The following HPS3 variants were observed in gnomAD, a reference collection of about 807,000 sequenced individuals.
The protein encoded by HPS3 is BLOC-2 complex member HPS3.
A neutral mutation model predicts 110.9 loss-of-function variants in HPS3; 79 were observed. The ratio of observed to expected loss-of-function variants is 0.71; its 90% CI spans 0.59 to 0.86. The LOEUF is 0.86. Ranked by LOEUF, HPS3 falls within the 40% of genes least tolerant of loss-of-function variation. HPS3 has a pLI of 0.00. For missense variants in HPS3, 1,197 were observed against 1,206.2 expected (o/e 0.99, Z 0.11); for synonymous variants, 428 against 451.0 (o/e 0.95, Z 0.65).
Position 149,129,873 on chromosome 3 carries a change from G to A in HPS3, c.150G>A (p.Glu50=). 1 of 1,595,256 alleles carries A rather than the reference G, an allele frequency of 6.3e-7. No individual in the cohort carries two copies. Among genetic ancestry groups the A allele is most frequent in the Non-Finnish European group, 8.5e-7 (1 of 1,175,938 alleles). ...AGGCGTTCGCGGTGGCCGGCCAGGA[G>A]CTGTGCCAGCCGCGGTGCGCCTTCT... The part of the protein sequence containing the change: ...KVEAFAVAGQ[E]LCQPRCAFST... The change falls in exon 1 of 17, where the codon GAG becomes GAA. Residue 50 remains glutamate (E), a synonymous_variant. Coordinates refer to ENST00000296051, the MANE Select transcript of HPS3 (RefSeq NM_032383.5).
chr3:149,140,875 G>C, intron 2 of HPS3, 142 bp from the exon 3 acceptor site: 1 of 745,114 alleles, frequency 1.3e-6, no homozygotes. Flanking sequence ...ATGAGCAAGT[G>C]CTAAGTCTTT....
At chr3:149,157,841 C>T (rs1241441292) in intron 9 of HPS3, among the ~76,000 whole-genome samples, 1 of 152,144 alleles carries the variant, frequency 6.6e-6, no homozygotes, top group Non-Finnish European at 1.5e-5. Flanking sequence ...TTGAAAATCC[C>T]TGACATTAAA....
rs1417486263 is a variant in HPS3 at position 149,172,355 on chromosome 3, C to CACACACACACACAT, written c.*134_*135insCACACACACACATA. 3.2e-6 allele frequency: 2 copies of CACACACACACACAT among 619,210 alleles called. No individual in the cohort carries two copies. Among genetic ancestry groups the CACACACACACACAT allele is most frequent in the African/African-American group, 3.7e-5 (2 of 53,672 alleles). 38.4% of individuals were successfully genotyped at this position (619,210 alleles called of 1,614,324 possible). A position where few individuals can be genotyped will look rare whatever the true frequency, so the allele number is the denominator to read the frequency against. On this transcript the variant is annotated 3_prime_UTR_variant, in exon 17 of 17. Coordinates refer to ENST00000296051, the MANE Select transcript of HPS3 (RefSeq NM_032383.5). ...ACACACACACACACACACACACACA[C>CACACACACACACAT]ATATATGATACAAATGCTTTCAGGC...
chr3:149,162,092 A>G (rs1723916251), intron 11 of HPS3, 56 bp from the exon 12 acceptor site: 1 of 1,393,214 alleles, frequency 7.2e-7, no homozygotes, highest in East Asian at 2.3e-5. Flanking sequence ...TATTTCTAAA[A>G]TGGACAATCT....
intron 8 of HPS3, among the ~76,000 whole-genome samples, chr3:149,155,860 C>T (rs1288767312): frequency 5.3e-5 from 8 of 152,036 alleles, no homozygotes; most frequent in Admixed American, 5.2e-4. Context: ...ATAGTGAGAT[C>T]CCATCTGTAC....
chr3:149,142,631 G>A (rs753704541), intron 4 of HPS3, among the ~76,000 whole-genome samples: 2 of 151,600 alleles, frequency 1.3e-5, no homozygotes, highest in South Asian at 2.1e-4. Context: ...ATATTATTCC[G>A]ATTAAATGTG....
intron 1 of HPS3, among the ~76,000 whole-genome samples, chr3:149,135,027 G>A (rs1270910093): frequency 2.6e-5 from 4 of 152,086 alleles, no homozygotes; most frequent in Admixed American, 6.5e-5. Flanking sequence ...TGAGGATTCC[G>A]GCTCAATGCC....
chr3:149,154,815 T>C (rs1467427693), intron 7 of HPS3, among the ~76,000 whole-genome samples: 1 of 152,214 alleles, frequency 6.6e-6, no homozygotes, highest in Non-Finnish European at 1.5e-5. Context: ...GATCTTTTCC[T>C]CTTGATGGGA....
In HPS3 at chr3:149,160,722, A is replaced by G. The variant is rs1045124856; in HGVS notation, c.2106+443A>G. ...AAATCACAGATTAAGAGGATTGGACATTTGAATGGTATACCAAGAAACACA... is the reference window on the plus strand; with the variant it reads ...AAATCACAGATTAAGAGGATTGGACGTTTGAATGGTATACCAAGAAACACA... On this transcript the variant is annotated intron_variant, in intron 11 of 16. Transcript: ENST00000296051. 7.4e-4 allele frequency among the ~76,000 whole-genome samples: 113 copies of G among 152,350 alleles called. 1 individual carries two copies. Among genetic ancestry groups the G allele is most frequent in the African/African-American group, 2.7e-3 (111 of 41,582 alleles).
Position 149,150,726 on chromosome 3 carries a change from G to C in HPS3, c.1245+46G>C, listed in dbSNP as rs541179587. On this transcript the variant is annotated intron_variant, in intron 6 of 16. Coordinates refer to ENST00000296051, the MANE Select transcript of HPS3 (RefSeq NM_032383.5). ...ATAGTGAAACCTTAAGATCACAAGG[G>C]AGCACATGAATACTCGTAGATTTGC... 14 of 1,425,680 alleles carry C rather than the reference G, an allele frequency of 9.8e-6. 1 individual carries two copies. The South Asian group carries it at 1.5e-4, about 15-fold the overall frequency. The allele number at this position is 1,425,680 out of a possible 1,614,324, so 88.3% of individuals were successfully genotyped here. A position where few individuals can be genotyped will look rare whatever the true frequency, so the allele number is the denominator to read the frequency against.
chr3:149,129,753 C>G lies in HPS3; in HGVS notation c.30C>G (p.Phe10Leu), dbSNP rs1721629189. MVQLYNLHPFGSQQVVPCKL... is the reference protein window; with the variant it reads MVQLYNLHPLGSQQVVPCKL... ...TGCAGCTGTACAACCTGCACCCGTT[C>G]GGGTCGCAGCAGGTGGTGCCCTGCA... The change falls in exon 1 of 17, where the codon TTC becomes TTG. Residue 10 changes from phenylalanine to leucine, a missense_variant. Physicochemically the swap from Phe to Leu is conservative, Grantham distance 22 (BLOSUM62 0). Transcript: ENST00000296051. The G allele has an allele frequency of 6.2e-7, 1 of 1,605,944 alleles. No homozygotes were observed. The highest frequency in any genetic ancestry group is 8.5e-7 in the Non-Finnish European group (1 of 1,178,294).
chr3:149,166,399 C>T (rs1232175518), intron 14 of HPS3, among the ~76,000 whole-genome samples: 1 of 152,074 alleles, frequency 6.6e-6, no homozygotes, highest in Non-Finnish European at 1.5e-5. Flanking sequence ...CTTTGTTGTC[C>T]CATCCTGTGT....
rs576145772 is a variant in HPS3, at chr3:149,172,885, A to G, written c.*663A>G. The stretch of plus-strand genomic sequence containing the variant: ...TTTTTTCAGCCAAAGCCTTGTTTCC[A>G]TTTTTGTTGATGTGTACTCTTGCTC... On this transcript the variant is annotated 3_prime_UTR_variant, in exon 17 of 17. Transcript: ENST00000296051. The G allele has an allele frequency of 6.6e-6, 1 of 152,644 alleles. No homozygotes were observed. The highest frequency in any genetic ancestry group is 2.4e-5 in the African/African-American group (1 of 41,472). 9.5% of individuals were successfully genotyped at this position (152,644 alleles called of 1,614,324 possible).
chr3:149,131,339 G>A (rs181430998), intron 1 of HPS3, among the ~76,000 whole-genome samples: 14 of 151,940 alleles, frequency 9.2e-5, no homozygotes, highest in Middle Eastern at 3.4e-3. Context: ...CCAATTGAAA[G>A]TTTGTGGCAA....
intron 5 of HPS3, among the ~76,000 whole-genome samples, chr3:149,147,873 C>G (rs1026850390): frequency 6.6e-6 from 1 of 152,122 alleles, no homozygotes; most frequent in Non-Finnish European, 1.5e-5. Context: ...AATCTCCACT[C>G]CTGTTTTTCA....
intron 1 of HPS3, chr3:149,130,147 G>A (rs112376082): frequency 5.1e-5 from 30 of 584,642 alleles, no homozygotes; most frequent in African/African-American, 4.3e-4. Context: ...GTATGAGCTT[G>A]CTTCTGTCGG....
chr3:149,147,019 C>A (rs537132007), intron 5 of HPS3, among the ~76,000 whole-genome samples: 17 of 151,836 alleles, frequency 1.1e-4, no homozygotes, highest in African/African-American at 4.1e-4. Flanking sequence ...TATTAAGGGG[C>A]GGTATTCAGG....
chr3:149,136,038 C>T (rs975496979), intron 1 of HPS3, among the ~76,000 whole-genome samples: 2 of 152,012 alleles, frequency 1.3e-5, no homozygotes, highest in African/African-American at 4.8e-5. Context: ...GGAAAGTTTA[C>T]TTATTTTTAA....
At chr3:149,152,383 T>C (rs537675873) in intron 6 of HPS3, among the ~76,000 whole-genome samples, 1 of 152,180 alleles carries the variant, frequency 6.6e-6, no homozygotes, top group East Asian at 1.9e-4. Flanking sequence ...TTCAGAGTCT[T>C]ATAAAAGGCA....
Sources: allele counts gnomAD v4.1 joint callset (sites outside exome capture counted in the v4.1 genomes callset), GRCh38; gene constraint gnomAD v4.1.1; transcripts MANE v1.5; gene names NCBI Gene and HGNC (gene_info 2026-07-23, HGNC 2026-07-21).